The following CFAP92 variants were observed in gnomAD, a reference collection of about 807,000 sequenced individuals.
CFAP92 encodes cilia and flagella associated protein 92 (putative).
In CFAP92, 86 loss-of-function variants were observed where a neutral mutation model predicts 106.3. The observed-to-expected ratio is 0.81, with a 90% confidence interval of 0.68 to 0.97. The LOEUF (loss-of-function observed/expected upper bound fraction) is 0.97. Among genes scored for constraint, CFAP92 ranks in the 50% least tolerant of loss-of-function variants. The pLI, the probability that CFAP92 is intolerant of heterozygous loss-of-function variation, is 0.00. For synonymous variants in CFAP92, 477 were observed against 506.4 expected (o/e 0.94, Z 0.78); for missense variants, 1,204 against 1,283.8 (o/e 0.94, Z 0.95).
At chr3:128,975,242 T>A (rs1012234040) in intron 7 of CFAP92, among the ~76,000 whole-genome samples, 3 of 152,204 alleles carry the variant, frequency 2.0e-5, no homozygotes, top group Non-Finnish European at 1.5e-5. Flanking sequence ...TACCACAACA[T>A]CTATCACAAA....
chr3:128,984,365 C>G lies in CFAP92; in HGVS notation c.667+3251G>C, dbSNP rs533731190. Among the ~76,000 whole-genome samples, 4 of 152,292 alleles carry G rather than the reference C, an allele frequency of 2.6e-5. No individual in the cohort carries two copies. The South Asian group carries it at 8.3e-4, about 32-fold the overall frequency. On this transcript the variant is annotated intron_variant, in intron 4 of 15. Transcript: ENST00000645291. ...GGGTGGGCACCATCTAATCAGCTGC[C>G]AGCATGGCTAGAAGAAAGCAGGCAG...
At chr3:128,950,209 C>T (rs914862523) in intron 9 of CFAP92, among the ~76,000 whole-genome samples, 10 of 152,306 alleles carry the variant, frequency 6.6e-5, no homozygotes, top group African/African-American at 2.4e-4. Context: ...ATTCAGAATG[C>T]AGCAGGCTAG....
Position 128,948,772 on chromosome 3 carries a change from C to T in CFAP92, c.1354-2797G>A, listed in dbSNP as rs376654748. On this transcript the variant is annotated intron_variant, in intron 9 of 15. Transcript: ENST00000645291. ...CTTGAACTCCTGACCTCAAGTGATCCGCCCGCCTTAGCCTCCCAAAGTGTT... is the reference window on the plus strand; with the variant it reads ...CTTGAACTCCTGACCTCAAGTGATCTGCCCGCCTTAGCCTCCCAAAGTGTT... Among the ~76,000 whole-genome samples the T allele has an allele frequency of 1.3e-4, 20 of 152,110 alleles. 1 individual carries two copies. Among genetic ancestry groups the T allele is most frequent in the Admixed American group, 4.6e-4 (7 of 15,252 alleles).
intron 15 of CFAP92, 65 bp downstream of exon 15, chr3:128,915,054 T>C: frequency 6.8e-7 from 1 of 1,470,088 alleles, no homozygotes; most frequent in Non-Finnish European, 9.1e-7. Context: ...AGATGCAGAG[T>C]GGCACAGAGC....
chr3:129,019,469 G>A, the CFAP92 span, among the ~76,000 whole-genome samples: 181 of 152,296 alleles, frequency 1.2e-3, no homozygotes, highest in African/African-American at 3.9e-3. Context: ...ATGTGAGACC[G>A]CAGCAGGACC....
At chr3:128,939,492 G>C (rs1939404255) in intron 10 of CFAP92, among the ~76,000 whole-genome samples, 1 of 152,086 alleles carries the variant, frequency 6.6e-6, no homozygotes, top group Non-Finnish European at 1.5e-5. Flanking sequence ...TTACCCATTT[G>C]TAAAGTATAA....
At chr3:129,002,339 C>T in intron 1 of CFAP92, 3 of 1,511,860 alleles carry the variant, frequency 2.0e-6, no homozygotes, top group South Asian at 1.2e-5. Context: ...GCGCCGGCCA[C>T]GAAGGGAGGG....
At chr3:128,951,297 AG>A (rs1255515191) in intron 9 of CFAP92, among the ~76,000 whole-genome samples, 1 of 152,120 alleles carries the variant, frequency 6.6e-6, no homozygotes, top group Non-Finnish European at 1.5e-5. Flanking sequence ...CCAAAAAGAA[AG>A]GGGGAAAAAA....
upstream of CFAP92, among the ~76,000 whole-genome samples, chr3:128,998,544 G>T (rs6799008): frequency 0.68 from 103,796 of 152,062 alleles, 37,088 homozygotes; most frequent in African/African-American, 0.92. Context: ...CAAAAAACAG[G>T]CTGATAATAC....
chr3:128,993,448 T>G, intron 1 of CFAP92, 112 bp from the exon 2 acceptor site: 1 of 1,112,908 alleles, frequency 9.0e-7, no homozygotes, highest in Non-Finnish European at 1.3e-6. Flanking sequence ...TTCCCCCGCC[T>G]GCTCCTAGAT....
intron 12 of CFAP92, among the ~76,000 whole-genome samples, chr3:128,918,486 A>G (rs905771582): frequency 1.3e-4 from 20 of 152,202 alleles, no homozygotes; most frequent in African/African-American, 4.3e-4. Flanking sequence ...AAAACAAAAC[A>G]AAAGTCACAA....
the CFAP92 span, among the ~76,000 whole-genome samples, chr3:129,011,550 C>CAA: frequency 3.2e-5 from 3 of 93,524 alleles, no homozygotes; most frequent in Middle Eastern, 7.1e-3. Context: ...GACTCCGTCT[C>CAA]AAAAAAAAAA....
At chr3:129,013,076 G>A in the CFAP92 span, among the ~76,000 whole-genome samples, 9 of 152,190 alleles carry the variant, frequency 5.9e-5, no homozygotes, top group African/African-American at 1.2e-4. Context: ...AGCTCCAGAC[G>A]TGCCAGTGTC....
exon 1 of CFAP92, chr3:129,002,605 C>T (rs576985277): frequency 1.6e-5 from 8 of 501,182 alleles, no homozygotes; most frequent in South Asian, 1.2e-4. Flanking sequence ...CACATCATCG[C>T]GTCTTGCCCC....
Position 128,988,907 on chromosome 3 carries a change from T to C in CFAP92, c.274A>G (p.Lys92Glu), listed in dbSNP as rs1187767417. 2 of 1,612,504 alleles carry C rather than the reference T, an allele frequency of 1.2e-6. No homozygotes were observed. The highest frequency in any genetic ancestry group is 3.3e-5 in the Admixed American group (2 of 59,824). ...AFPVNMGQKG[K>E]YASLIEKYKK... ...TATTTTTCAATCAAACTTGCATATT[T>C]TCCCTTCTGACCTTGAAGATACAGA... The change falls in exon 3 of 16, where the codon AAA becomes GAA. Residue 92 changes from lysine to glutamate, a missense_variant. By Grantham distance (56) the Lys-to-Glu change is moderately conservative. Transcript: ENST00000645291.
At chr3:128,930,690 G>T (rs1218429362) in intron 12 of CFAP92, among the ~76,000 whole-genome samples, 1 of 151,986 alleles carries the variant, frequency 6.6e-6, no homozygotes, top group Non-Finnish European at 1.5e-5. Flanking sequence ...GGCAGATACC[G>T]CAGTGAGCCG....
At chr3:128,982,037 C>G (rs1262527289) in intron 4 of CFAP92, among the ~76,000 whole-genome samples, 2 of 152,308 alleles carry the variant, frequency 1.3e-5, no homozygotes, top group East Asian at 1.9e-4. Context: ...GCATTGGCCT[C>G]TACTTTAAGT....
chr3:128,981,105 CGGCTCATTG>C (rs1943504350), intron 4 of CFAP92, among the ~76,000 whole-genome samples: 2 of 150,526 alleles, frequency 1.3e-5, no homozygotes, highest in Admixed American at 6.6e-5. Flanking sequence ...GGTGCGATCT[CGGCTCATTG>C]CAAGCTCTGC....
intron 9 of CFAP92, among the ~76,000 whole-genome samples, chr3:128,946,344 G>C (rs1197047841): frequency 6.6e-6 from 1 of 152,154 alleles, no homozygotes; most frequent in African/African-American, 2.4e-5. Context: ...TTTTTAGAAA[G>C]GAAATCTCTG....
Sources: allele counts gnomAD v4.1 joint callset (sites outside exome capture counted in the v4.1 genomes callset), GRCh38; gene constraint gnomAD v4.1.1; transcripts MANE v1.5; gene names NCBI Gene and HGNC (gene_info 2026-07-23, HGNC 2026-07-21).